Variants in FLG observed in about 807,000 individuals in gnomAD.
FLG encodes filaggrin, also known as epidermal filaggrin.
A neutral mutation model predicts 3.8 loss-of-function variants in FLG; 6 were observed. That is an observed-to-expected ratio of 1.60 (90% CI 0.87 to 3.15). FLG has a LOEUF of 3.15. Among genes scored for constraint, FLG ranks in the 30% most tolerant of loss-of-function variants. The pLI, the probability that FLG is intolerant of heterozygous loss-of-function variation, is 0.00. For synonymous variants in FLG, 2,551 were observed against 1,931.6 expected (o/e 1.32, Z -8.41); for missense variants, 7,595 against 5,050.9 (o/e 1.50, Z -15.27).
At position 152,312,601 on chromosome 1, in the gene FLG, A is replaced by C. The variant is rs1241902019; in HGVS notation, c.2285T>G (p.Val762Gly). 6 of 1,552,770 alleles carry C rather than the reference A, an allele frequency of 3.9e-6. No individual in the cohort carries two copies. In the East Asian group the frequency reaches 1.3e-4, roughly 35 times the overall value. The change falls in exon 3 of 3, where the codon GTG (valine) becomes GGG (glycine). Residue 762 changes from valine to glycine, a missense_variant. Coordinates refer to ENST00000368799, the MANE Select transcript of FLG (RefSeq NM_002016.2). ...GTGACCAGCCTGTCCATGGCCTGAC[A>C]CTGACTGTGTGTCTGAGTCTTCTGA... ...GHSEDSDTQS[V>G]SGHGQAGHHQ...
rs749472491 is a variant in FLG, at chr1:152,305,032, C to T, written c.9854G>A (p.Gly3285Glu). 9 of 1,613,810 alleles carry T rather than the reference C, an allele frequency of 5.6e-6. No individual in the cohort carries two copies. Among genetic ancestry groups the T allele is most frequent in the Non-Finnish European group, 6.8e-6 (8 of 1,180,004 alleles). ...GTRHAETSSG[G>E]QAASSHEQAR... ...CTGTTCATGGGATGATGCAGCCTGT[C>T]CACCAGAGGAAGTCTCTGCGTGACG... The change falls in exon 3 of 3, where the codon GGA becomes GAA. Residue 3285 changes from glycine to glutamate, a missense_variant. By Grantham distance (98) the Gly-to-Glu change is moderately conservative. Transcript: ENST00000368799.
chr1:152,309,956 C>G lies in FLG; in HGVS notation c.4930G>C (p.Gly1644Arg). 6.2e-7 allele frequency: 1 copy of G among 1,614,098 alleles called. No homozygotes were observed. Among genetic ancestry groups the G allele is most frequent in the Non-Finnish European group, 8.5e-7 (1 of 1,180,036 alleles). Residue 1644 changes from glycine (G) to arginine (R), a missense_variant, in exon 3 of 3, where the codon GGG becomes CGG. Physicochemically the swap from Gly to Arg is moderately radical, Grantham distance 125. Coordinates refer to ENST00000368799, the MANE Select transcript of FLG (RefSeq NM_002016.2). ...TGTCTGGAGCTCTCTGCAGAGTGCC[C>G]ATGACTGGCTCTATCTTCTTGATGG... ...RSHQEDRASH[G>R]HSAESSRQSG...
chr1:152,323,166 T>TA (rs1653033293), intron 1 of FLG, among the ~76,000 whole-genome samples: 1 of 151,598 alleles, frequency 6.6e-6, no homozygotes, highest in African/African-American at 2.4e-5. Context: ...GGAAAAAAAA[T>TA]AGTTTCCAGG....
Position 152,313,641 on chromosome 1 carries a change from C to G in FLG, c.1245G>C (p.Arg415=), listed in dbSNP as rs1272283531. The change falls in exon 3 of 3, where the codon CGG becomes CGC. Residue 415 remains arginine (R), a synonymous_variant. Transcript: ENST00000368799. ...ASSAVSDRGH[R]GSSGSQASDS... Reference sequence around the variant, plus strand: ...CACTGGCCTGACTACCGCTAGACCCCCGGTGTCCACGATCGCTGACTGCAG... The same window carrying G: ...CACTGGCCTGACTACCGCTAGACCCGCGGTGTCCACGATCGCTGACTGCAG... The G allele has an allele frequency of 1.9e-6, 3 of 1,614,102 alleles. No homozygotes were observed. Among genetic ancestry groups the G allele is most frequent in the Non-Finnish European group, 2.5e-6 (3 of 1,180,028 alleles).
Position 152,308,542 on chromosome 1 carries a change from T to A in FLG, c.6344A>T (p.Gln2115Leu), listed in dbSNP as rs778456715. The change falls in exon 3 of 3, where the codon CAA becomes CTA. Residue 2115 changes from glutamine (Q) to leucine (L), a missense_variant. Physicochemically the swap from Gln to Leu is moderately radical, Grantham distance 113 (BLOSUM62 -2). Coordinates refer to ENST00000368799, the MANE Select transcript of FLG (RefSeq NM_002016.2). ...GQSAPSTGGR[Q>L]GSHYDQAQDS... ...TTGTGCCTGATCATAATGGGATCCT[T>A]GTCTTCCTCCAGTGCTGGGCGCAGA... 3.7e-5 allele frequency: 59 copies of A among 1,613,900 alleles called. No homozygotes were observed. The highest frequency in any genetic ancestry group is 4.9e-5 in the Non-Finnish European group (58 of 1,179,972).
At position 152,314,182 on chromosome 1, in the gene FLG, G is replaced by T. The variant is rs1290156373; in HGVS notation, c.704C>A (p.Thr235Lys). The T allele has an allele frequency of 6.2e-7, 1 of 1,613,988 alleles. No homozygotes were observed. The highest frequency in any genetic ancestry group is 8.5e-7 in the Non-Finnish European group (1 of 1,180,014). The change falls in exon 3 of 3, where the codon ACA becomes AAA. Residue 235 changes from threonine (T) to lysine (K), a missense_variant. By Grantham distance (78) the Thr-to-Lys change is moderately conservative. Transcript: ENST00000368799. ...QKWIQSGHIA[T>K]YYTIQDEAYD... ...GGCTTCATCCTGGATTGTGTAATAT[G>T]TGGCAATATGGCCTGATTGTATCCA...
Position 152,304,351 on chromosome 1 carries a change from T to G in FLG, c.10535A>C (p.Gln3512Pro), listed in dbSNP as rs571269174. The G allele has an allele frequency of 3.1e-6, 5 of 1,611,416 alleles. No homozygotes were observed. Among genetic ancestry groups the G allele is most frequent in the Non-Finnish European group, 3.4e-6 (4 of 1,178,878 alleles). The change falls in exon 3 of 3, where the codon CAG becomes CCG. Residue 3512 changes from glutamine (Q) to proline (P), a missense_variant. Transcript: ENST00000368799. The stretch of plus-strand genomic sequence containing the variant: ...CTGTGAGTGTCTAGAGCTGTCCGCC[T>G]GAGTGGAAGCTTCATGGTGATGCGA... The part of the protein sequence containing the change: ...SWSHHHEAST[Q>P]ADSSRHSQSG...
chr1:152,308,054 C>T lies in FLG; in HGVS notation c.6832G>A (p.Gly2278Ser), dbSNP rs1233456378. The change falls in exon 3 of 3, where the codon GGC becomes AGC. Residue 2278 changes from glycine (G) to serine (S), a missense_variant. Coordinates refer to ENST00000368799, the MANE Select transcript of FLG (RefSeq NM_002016.2). Reference protein sequence around the residue: ...HGSAQEQSRDGSRHPRSHHED... With the variant: ...HGSAQEQSRDSSRHPRSHHED... ...TGATGGGACCTGGGGTGTCTGGAGC[C>T]ATCTCTTGACTGCTCCTGAGCAGAT... 1.2e-6 allele frequency: 2 copies of T among 1,614,074 alleles called. No homozygotes were observed. The highest frequency in any genetic ancestry group is 1.1e-5 in the South Asian group (1 of 91,074).
At chr1:152,322,367 A>T (rs1428944842) in intron 1 of FLG, among the ~76,000 whole-genome samples, 1 of 151,284 alleles carries the variant, frequency 6.6e-6, no homozygotes, top group Non-Finnish European at 1.5e-5. Flanking sequence ...TGTATGTGGA[A>T]AATCCAAAAG....
chr1:152,307,215 G>C lies in FLG; in HGVS notation c.7671C>G (p.Pro2557=), dbSNP rs773602420. 5 of 1,612,698 alleles carry C rather than the reference G, an allele frequency of 3.1e-6. No homozygotes were observed. The highest frequency in any genetic ancestry group is 4.2e-6 in the Non-Finnish European group (5 of 1,180,000). The part of the protein sequence containing the change: ...SQVGQGQSEG[P]RTSRNWGSSF... ...TGGATCCCCAGTTCCTGCTTGTCCT[G>C]GGCCCCTCTGATTGTCCCTGGCCCA... The change falls in exon 3 of 3, where the codon CCC becomes CCG. Residue 2557 remains proline (P), a synonymous_variant. Coordinates refer to ENST00000368799, the MANE Select transcript of FLG (RefSeq NM_002016.2).
chr1:152,304,763 G>A lies in FLG; in HGVS notation c.10123C>T (p.Arg3375Trp), dbSNP rs111486002. Residue 3375 changes from arginine to tryptophan, a missense_variant, in exon 3 of 3, where the codon CGG becomes TGG. Transcript: ENST00000368799. ...QQSHQESARD[R>W]SGGRSGRSGS... ...GAACGTCCAGACCTTCCCCCTGACC[G>A]GTCACGTGCGGACTCTTGGTGGCTC... 4,241 of 1,613,524 alleles carry A rather than the reference G, an allele frequency of 2.6e-3. 107 individuals are homozygous for A. In the African/African-American group the frequency reaches 0.049, roughly 19 times the overall value.
rs577361459 is a variant in FLG, at chr1:152,302,947, C to T, written c.11939G>A (p.Gly3980Asp). ...TTCACCATAATCATAATCTGCACTACCATAGCTGCCATGTCTCCAAACTAA... is the reference window on the plus strand; with the variant it reads ...TTCACCATAATCATAATCTGCACTATCATAGCTGCCATGTCTCCAAACTAA... ...SGLVWRHGSY[G>D]SADYDYGESG... Residue 3980 changes from glycine (G) to aspartate (D), a missense_variant, in exon 3 of 3, where the codon GGT (glycine) becomes GAT (aspartate). Transcript: ENST00000368799. 1 of 1,614,150 alleles carries T rather than the reference C, an allele frequency of 6.2e-7. No individual in the cohort carries two copies. The highest frequency in any genetic ancestry group is 1.7e-5 in the Admixed American group (1 of 60,024).
rs1480822270 is a variant in FLG, at chr1:152,311,642, C to T, written c.3244G>A (p.Asp1082Asn). 5 of 1,614,178 alleles carry T rather than the reference C, an allele frequency of 3.1e-6. No homozygotes were observed. The highest frequency in any genetic ancestry group is 4.2e-6 in the Non-Finnish European group (5 of 1,180,026). ...CCATGGCCTGACACTGACTGTGTGT[C>T]TGACTCCTCTGAATGTCCCTCACTA... is the stretch of plus-strand genomic sequence containing the variant. Reference protein sequence around the residue: ...SDSEGHSEESDTQSVSGHGQD... With the variant: ...SDSEGHSEESNTQSVSGHGQD... The change falls in exon 3 of 3, where the codon GAC becomes AAC. Residue 1082 changes from aspartate to asparagine, a missense_variant. Coordinates refer to ENST00000368799, the MANE Select transcript of FLG (RefSeq NM_002016.2).
chr1:152,312,899 G>T lies in FLG; in HGVS notation c.1987C>A (p.His663Asn), dbSNP rs1652563442. The part of the protein sequence containing the change: ...SRDGSRHPRS[H>N]HEDRAGHGHS... Reference sequence around the variant, plus strand: ...CCATGACCAGCTCTGTCTTCGTGATGGGACCTGGGGTGTCTGGAGCCATCT... The same window carrying T: ...CCATGACCAGCTCTGTCTTCGTGATTGGACCTGGGGTGTCTGGAGCCATCT... The change falls in exon 3 of 3, where the codon CAT (histidine) becomes AAT (asparagine). Residue 663 changes from histidine to asparagine, a missense_variant. By Grantham distance (68) the His-to-Asn change is moderately conservative (BLOSUM62 1). Coordinates refer to ENST00000368799, the MANE Select transcript of FLG (RefSeq NM_002016.2). The T allele has an allele frequency of 6.2e-7, 1 of 1,613,872 alleles. No individual in the cohort carries two copies.
chr1:152,312,851 T>A lies in FLG; in HGVS notation c.2035A>T (p.Lys679Ter). 2 of 1,613,528 alleles carry A rather than the reference T, an allele frequency of 1.2e-6. No homozygotes were observed. The highest frequency in any genetic ancestry group is 1.7e-6 in the Non-Finnish European group (2 of 1,179,600). Residue 679 changes from lysine (K) to a stop codon, truncating the protein, a stop_gained, in exon 3 of 3, where the codon AAA (lysine) becomes TAA (stop). Transcript: ENST00000368799. LOFTEE classifies it low-confidence loss of function (END_TRUNC). ...GHGHSADSSR[K>*]SGTRHTQNSS... ...TTCTGTGTGTGACGAGTGCCTGATT[T>A]TCTGGAGCTGTCTGCAGAGTGCCCA...
In FLG at chr1:152,304,601, C is replaced by A. The variant is rs764182496; in HGVS notation, c.10285G>T (p.Glu3429Ter). ...TGTCCACGAATGGTGTCCTGACCCT[C>A]TTGGGACGCTGAGTGCCTGGAGCTG... ...RDSSRHSASQ[E>*]GQDTIRGHPG... The change falls in exon 3 of 3, where the codon GAG (glutamate) becomes TAG (stop). Residue 3429 changes from glutamate to a stop codon, truncating the protein, a stop_gained. Coordinates refer to ENST00000368799, the MANE Select transcript of FLG (RefSeq NM_002016.2). LOFTEE classifies it low-confidence loss of function (END_TRUNC). 212 of 1,610,428 alleles carry A rather than the reference C, an allele frequency of 1.3e-4. 2 individuals are homozygous for A. The highest frequency in any genetic ancestry group is 8.8e-5 in the Non-Finnish European group (104 of 1,178,350).
rs781727657 is a variant in FLG, at chr1:152,309,005, G to A, written c.5881C>T (p.His1961Tyr). 16 of 1,614,054 alleles carry A rather than the reference G, an allele frequency of 9.9e-6. No individual in the cohort carries two copies. The highest frequency in any genetic ancestry group is 1.2e-5 in the Non-Finnish European group (14 of 1,180,022). The change falls in exon 3 of 3, where the codon CAC becomes TAC. Residue 1961 changes from histidine (H) to tyrosine (Y), a missense_variant. Transcript: ENST00000368799. ...TGCCCGTGACCGGCTCTGTCTTCGT[G>A]ATGGGACCCAGGGTGTCTGGAGCCA... ...RDGSRHPGSH[H>Y]EDRAGHGHSA...
Position 152,313,742 on chromosome 1 carries a change from C to T in FLG, c.1144G>A (p.Glu382Lys), listed in dbSNP as rs1475179036. The T allele has an allele frequency of 2.5e-6, 4 of 1,614,156 alleles. No individual in the cohort carries two copies. The highest frequency in any genetic ancestry group is 3.4e-6 in the Non-Finnish European group (4 of 1,179,996). The change falls in exon 3 of 3, where the codon GAA becomes AAA. Residue 382 changes from glutamate (E) to lysine (K), a missense_variant. Coordinates refer to ENST00000368799, the MANE Select transcript of FLG (RefSeq NM_002016.2). The part of the protein sequence containing the change: ...SHEQARSSPG[E>K]RHGSGHQQSA... ...TGCTGGTGGCCGGATCCATGTCTTT[C>T]TCCTGGACTTGATCTTGCCTGTTCA...
Position 152,309,704 on chromosome 1 carries a change from C to G in FLG, c.5182G>C (p.Glu1728Gln). The change falls in exon 3 of 3, where the codon GAG becomes CAG. Residue 1728 changes from glutamate to glutamine, a missense_variant. Coordinates refer to ENST00000368799, the MANE Select transcript of FLG (RefSeq NM_002016.2). The stretch of plus-strand genomic sequence containing the variant: ...GCTGACACTGACTGTGTGTCTGACT[C>G]TTCTGAGTGTCCCTCGCTGTCACTG... The part of the protein sequence containing the change: ...QASDSEGHSE[E>Q]SDTQSVSAHG... 1 of 1,614,084 alleles carries G rather than the reference C, an allele frequency of 6.2e-7. No homozygotes were observed. The highest frequency in any genetic ancestry group is 8.5e-7 in the Non-Finnish European group (1 of 1,180,014).
Sources: allele counts gnomAD v4.1 joint callset (sites outside exome capture counted in the v4.1 genomes callset), GRCh38; gene constraint gnomAD v4.1.1; transcripts MANE v1.5; gene names NCBI Gene and HGNC (gene_info 2026-07-23, HGNC 2026-07-21).